The following FER1L6 variants were observed in gnomAD, a reference collection of about 807,000 sequenced individuals.
The protein encoded by FER1L6 is fer-1 like family member 6, also known as fer-1-like protein 6.
Under a neutral mutation model 219.2 loss-of-function variants are expected in FER1L6, and 177 were observed. The observed-to-expected ratio is 0.81, with a 90% CI of 0.71 to 0.91. The LOEUF (loss-of-function observed/expected upper bound fraction) is 0.91, where lower values mean the gene tolerates loss of function less well. Among genes scored for constraint, FER1L6 ranks in the 40% least tolerant of loss-of-function variants. FER1L6 has a pLI of 0.00. For synonymous variants in FER1L6, 768 were observed against 824.3 expected (o/e 0.93, Z 1.17); for missense variants, 2,153 against 2,259.9 (o/e 0.95, Z 0.96).
chr8:123,975,844 T>C (rs1281072327), intron 8 of FER1L6, 54 bp from the exon 9 acceptor site: 7 of 1,432,898 alleles, frequency 4.9e-6, no homozygotes, highest in Non-Finnish European at 6.6e-6. Context: ...CTGTCTTTTC[T>C]CTCTGTTTCT....
intron 7 of FER1L6, 152 bp from the exon 8 acceptor site, chr8:123,974,998 A>T (rs1475165687): frequency 6.9e-6 from 4 of 576,748 alleles, no homozygotes; most frequent in Non-Finnish European, 1.2e-5. Flanking sequence ...AGGAAGAGGG[A>T]AGCAGCATGA....
chr8:124,073,311 G>A (rs901719551), intron 31 of FER1L6, among the ~76,000 whole-genome samples: 2 of 152,188 alleles, frequency 1.3e-5, no homozygotes, highest in Non-Finnish European at 2.9e-5. Flanking sequence ...CATGGGGGAC[G>A]GAGGCCTTGG....
chr8:123,941,237 A>G (rs1008031217), intron 1 of FER1L6, among the ~76,000 whole-genome samples: 2 of 152,228 alleles, frequency 1.3e-5, no homozygotes, highest in African/African-American at 4.8e-5. Context: ...AAGCTCTGGG[A>G]ACCTGGAGAG....
intron 39 of FER1L6, among the ~76,000 whole-genome samples, chr8:124,105,172 T>C (rs1044849441): frequency 6.6e-6 from 1 of 152,186 alleles, no homozygotes; most frequent in African/African-American, 2.4e-5. Context: ...TGAAATGTAG[T>C]GAGCCACAGG....
intron 2 of FER1L6, among the ~76,000 whole-genome samples, chr8:123,957,444 G>T (rs1273247556): frequency 6.6e-6 from 1 of 152,150 alleles, no homozygotes; most frequent in African/African-American, 2.4e-5. Flanking sequence ...AGTTGAATAA[G>T]GCATAGTCCT....
Position 123,936,462 on chromosome 8 carries a change from GTTTT to G in FER1L6, c.-7-19509_-7-19506del, listed in dbSNP as rs779012175. Among the ~76,000 whole-genome samples the G allele has an allele frequency of 4.6e-3, 451 of 97,910 alleles. 2 individuals are homozygous for G. Among genetic ancestry groups the G allele is most frequent in the African/African-American group, 0.016 (418 of 25,566 alleles). 64.2% of individuals were successfully genotyped at this position (97,910 alleles called of 152,430 possible). On this transcript the variant is annotated intron_variant, in intron 1 of 40. Transcript: ENST00000522917. Reference sequence around the variant, plus strand: ...TTTAGATAAAAGATAATTGCAGCCTGTTTTTTTTTTTTTTTTTTTTTTTTGTAAA... The same window carrying G: ...TTTAGATAAAAGATAATTGCAGCCTGTTTTTTTTTTTTTTTTTTTTGTAAA...
At chr8:123,941,583 G>A (rs954977586) in intron 1 of FER1L6, among the ~76,000 whole-genome samples, 4 of 152,202 alleles carry the variant, frequency 2.6e-5, no homozygotes, top group African/African-American at 9.6e-5. Flanking sequence ...ATTACTGGAT[G>A]TCTACTGTGT....
chr8:123,947,936 A>G (rs1309377870), intron 1 of FER1L6, among the ~76,000 whole-genome samples: 1 of 152,194 alleles, frequency 6.6e-6, no homozygotes, highest in African/African-American at 2.4e-5. Context: ...ACGGTGAGCA[A>G]TGGTTCGTGG....
At chr8:124,012,341 T>C (rs762828646) in intron 14 of FER1L6, among the ~76,000 whole-genome samples, 2 of 152,262 alleles carry the variant, frequency 1.3e-5, no homozygotes, top group Non-Finnish European at 2.9e-5. Flanking sequence ...ACTGTCTTGG[T>C]TGAGCTGGTC....
chr8:123,881,138 G>C (rs151163379), intron 1 of FER1L6, among the ~76,000 whole-genome samples: 109 of 152,250 alleles, frequency 7.2e-4, no homozygotes, highest in African/African-American at 2.6e-3. Context: ...TCAATGCTAA[G>C]AGATATAAAT....
chr8:123,927,604 C>A (rs925273148), intron 1 of FER1L6, among the ~76,000 whole-genome samples: 3 of 152,136 alleles, frequency 2.0e-5, no homozygotes, highest in African/African-American at 7.2e-5. Flanking sequence ...TTTGTAGCAG[C>A]ACCATTTGTT....
At chr8:124,012,060 C>T (rs111444863) in intron 14 of FER1L6, among the ~76,000 whole-genome samples, 5,117 of 152,178 alleles carry the variant, frequency 0.034, 287 homozygotes, top group African/African-American at 0.12. Context: ...CTTGCACCTC[C>T]CCTTTATAAA....
chr8:124,081,686 A>G (rs1347816452), intron 32 of FER1L6, among the ~76,000 whole-genome samples: 1 of 151,688 alleles, frequency 6.6e-6, no homozygotes, highest in East Asian at 1.9e-4. Context: ...TGGTCTTGCA[A>G]TTCTATGTTT....
At chr8:123,954,264 T>C (rs971486724) in intron 1 of FER1L6, among the ~76,000 whole-genome samples, 1 of 152,160 alleles carries the variant, frequency 6.6e-6, no homozygotes, top group South Asian at 2.1e-4. Flanking sequence ...TGAATTCCCC[T>C]GGGCCAGTCC....
Position 124,023,584 on chromosome 8 carries a change from T to C in FER1L6, c.2274T>C (p.Thr758=). The part of the protein sequence containing the change: ...QMGKHCGKIK[T]HFLKPPGKRP... ...GCAAACACTGCGGCAAGATCAAAAC[T>C]CACTTCCTCAAAGTAAGTGTGCAGT... is the stretch of plus-strand genomic sequence containing the variant. The change falls in exon 18 of 41, where the codon ACT becomes ACC. Residue 758 remains threonine, a synonymous_variant. Transcript: ENST00000522917. 1.2e-6 allele frequency: 2 copies of C among 1,614,082 alleles called. No individual in the cohort carries two copies. The highest frequency in any genetic ancestry group is 1.7e-6 in the Non-Finnish European group (2 of 1,179,984).
At position 123,956,012 on chromosome 8, in the gene FER1L6, A is replaced by G; in HGVS notation, c.14A>G (p.Lys5Arg). The G allele has an allele frequency of 6.2e-7, 1 of 1,611,730 alleles. No individual in the cohort carries two copies. The highest frequency in any genetic ancestry group is 8.5e-7 in the Non-Finnish European group (1 of 1,179,264). MFGLKVKKKRNKAEK... is the reference protein window; with the variant it reads MFGLRVKKKRNKAEK... Reference sequence around the variant, plus strand: ...TTCAGAAAGGGGATGTTTGGGCTGAAGGTGAAGAAGAAGAGAAATAAGGCA... The same window carrying G: ...TTCAGAAAGGGGATGTTTGGGCTGAGGGTGAAGAAGAAGAGAAATAAGGCA... The change falls in exon 2 of 41, where the codon AAG (lysine) becomes AGG (arginine). Residue 5 changes from lysine to arginine, a missense_variant. Coordinates refer to ENST00000522917, the MANE Select transcript of FER1L6 (RefSeq NM_001039112.2).
chr8:123,923,631 A>C (rs1015671221), intron 1 of FER1L6, among the ~76,000 whole-genome samples: 2 of 152,168 alleles, frequency 1.3e-5, no homozygotes, highest in Non-Finnish European at 2.9e-5. Context: ...ATAGCAGCTA[A>C]CACTTAAGGA....
chr8:124,108,352 C>T (rs1008218159), intron 39 of FER1L6, among the ~76,000 whole-genome samples: 3 of 149,776 alleles, frequency 2.0e-5, no homozygotes, highest in African/African-American at 7.4e-5. Flanking sequence ...ATGTACACCT[C>T]ATGAGCTGTC....
chr8:123,958,400 G>A (rs983175381), intron 2 of FER1L6, among the ~76,000 whole-genome samples: 4 of 152,132 alleles, frequency 2.6e-5, no homozygotes, highest in Non-Finnish European at 4.4e-5. Context: ...AGGAGCATGG[G>A]TCAGGCTCCA....
Sources: allele counts gnomAD v4.1 joint callset (sites outside exome capture counted in the v4.1 genomes callset), GRCh38; gene constraint gnomAD v4.1.1; transcripts MANE v1.5; gene names NCBI Gene and HGNC (gene_info 2026-07-23, HGNC 2026-07-21).